The following DLG2 variants were observed in gnomAD, a reference collection of about 807,000 sequenced individuals.
DLG2 encodes the protein discs large MAGUK scaffold protein 2.
DLG2 carries 45 observed loss-of-function variants against 132.5 expected under a neutral mutation model. The observed-to-expected ratio is 0.34, with a 90% confidence interval of 0.27 to 0.44. The LOEUF (loss-of-function observed/expected upper bound fraction) is 0.44. DLG2 is among the 20% of genes least tolerant of loss of function. The pLI is 1.00. For missense variants in DLG2, 1,045 were observed against 1,196.9 expected (o/e 0.87, Z 1.87); for synonymous variants, 424 against 419.6 (o/e 1.01, Z -0.13).
intron 9 of DLG2, among the ~76,000 whole-genome samples, chr11:84,162,338 C>G (rs1003299801): frequency 6.6e-6 from 1 of 151,544 alleles, no homozygotes; most frequent in African/African-American, 2.4e-5. Flanking sequence ...TATTATATAG[C>G]TTTGTGTCTA....
chr11:84,742,303 C>T (rs566072372), intron 6 of DLG2, among the ~76,000 whole-genome samples: 1 of 152,152 alleles, frequency 6.6e-6, no homozygotes, highest in South Asian at 2.1e-4. Flanking sequence ...CTCAAAAAAT[C>T]CCAAATATAT....
At chr11:83,988,915 GT>G (rs2093529846) in intron 11 of DLG2, among the ~76,000 whole-genome samples, 2 of 151,214 alleles carry the variant, frequency 1.3e-5, no homozygotes, top group Admixed American at 1.3e-4. Flanking sequence ...TTGTTTATAT[GT>G]TTTTTATGTT....
At chr11:84,853,459 T>A (rs1227831264) in intron 6 of DLG2, among the ~76,000 whole-genome samples, 5 of 152,020 alleles carry the variant, frequency 3.3e-5, no homozygotes, top group Non-Finnish European at 7.4e-5. Context: ...TCAAACATTA[T>A]CCAAATACTT....
chr11:85,523,945 G>A (rs1429227792), intron 3 of DLG2, among the ~76,000 whole-genome samples: 4 of 152,154 alleles, frequency 2.6e-5, no homozygotes, highest in African/African-American at 7.2e-5. Flanking sequence ...TATGGATGGA[G>A]CTGGAGGTCA....
At chr11:84,594,523 A>T (rs902957868) in intron 6 of DLG2, among the ~76,000 whole-genome samples, 17 of 152,384 alleles carry the variant, frequency 1.1e-4, no homozygotes, top group South Asian at 8.3e-4. Flanking sequence ...GACAGAAGAA[A>T]GCATGAGAAA....
chr11:84,317,316 G>C, intron 7 of DLG2: 1 of 1,431,946 alleles, frequency 7.0e-7, no homozygotes, highest in Non-Finnish European at 9.1e-7. Flanking sequence ...AGCAGCGACA[G>C]CAGCTCCGCA....
At chr11:85,189,400 T>C (rs966725768) in intron 4 of DLG2, among the ~76,000 whole-genome samples, 10 of 152,224 alleles carry the variant, frequency 6.6e-5, no homozygotes, top group African/African-American at 2.2e-4. Context: ...TTCAATGGAA[T>C]GCTATTTGGC....
chr11:84,062,769 G>T (rs143835558), intron 10 of DLG2, among the ~76,000 whole-genome samples: 37 of 151,798 alleles, frequency 2.4e-4, no homozygotes, highest in African/African-American at 8.9e-4. Flanking sequence ...TTGTAGGGGA[G>T]GTGGGGTAGT....
chr11:84,254,718 A>C (rs1227084640), intron 7 of DLG2, among the ~76,000 whole-genome samples: 1 of 152,196 alleles, frequency 6.6e-6, no homozygotes. Context: ...TAGGATGTAG[A>C]GTCTGTGAAT....
chr11:83,589,639 A>C (rs1318999649), intron 19 of DLG2, among the ~76,000 whole-genome samples: 2 of 147,798 alleles, frequency 1.4e-5, no homozygotes, highest in African/African-American at 2.5e-5. Context: ...CACACATAAC[A>C]ATATTAACTT....
At chr11:83,864,062 T>C (rs1385720602) in intron 16 of DLG2, among the ~76,000 whole-genome samples, 1 of 152,210 alleles carries the variant, frequency 6.6e-6, no homozygotes, top group East Asian at 1.9e-4. Flanking sequence ...CATGTAGCTC[T>C]TACAGACCTG....
At chr11:83,637,109 A>G (rs2065055265) in intron 18 of DLG2, among the ~76,000 whole-genome samples, 1 of 152,230 alleles carries the variant, frequency 6.6e-6, no homozygotes, top group African/African-American at 2.4e-5. Context: ...AGAAGTAAAC[A>G]GGAAACCTGC....
intron 18 of DLG2, among the ~76,000 whole-genome samples, chr11:83,653,649 C>A (rs148788677): frequency 6.6e-6 from 1 of 152,276 alleles, no homozygotes; most frequent in African/African-American, 2.4e-5. Flanking sequence ...GAAATACATA[C>A]ATTTTGTCTG....
chr11:84,886,165 T>C (rs1183846000), intron 6 of DLG2, among the ~76,000 whole-genome samples: 1 of 152,140 alleles, frequency 6.6e-6, no homozygotes, highest in Non-Finnish European at 1.5e-5. Context: ...AATACTGAAA[T>C]ATAAGCTAGG....
At chr11:84,642,201 A>G (rs540915142) in intron 6 of DLG2, among the ~76,000 whole-genome samples, 1 of 151,090 alleles carries the variant, frequency 6.6e-6, no homozygotes, top group South Asian at 2.1e-4. Flanking sequence ...GAATTACCAA[A>G]CCTTACTCCT....
chr11:83,802,507 A>G (rs1594655427), intron 17 of DLG2, among the ~76,000 whole-genome samples: 1 of 152,278 alleles, frequency 6.6e-6, no homozygotes, highest in African/African-American at 2.4e-5. Context: ...TTTTGAAATC[A>G]GTGGACTAAC....
At chr11:85,013,860 AT>A (rs1485481781) in intron 6 of DLG2, among the ~76,000 whole-genome samples, 1 of 152,268 alleles carries the variant, frequency 6.6e-6, no homozygotes, top group East Asian at 1.9e-4. Context: ...CAAAATGGTT[AT>A]TTTTTTAAGG....
intron 6 of DLG2, among the ~76,000 whole-genome samples, chr11:84,792,693 A>G (rs528993413): frequency 6.6e-6 from 1 of 152,138 alleles, no homozygotes; most frequent in African/African-American, 2.4e-5. Context: ...CTCTAGATTT[A>G]CCAGTTTATT....
chr11:83,462,268 G>A (rs757561991), intron 26 of DLG2, 175 bp from the exon 27 acceptor site: 56 of 554,778 alleles, frequency 1.0e-4, no homozygotes, highest in Non-Finnish European at 1.3e-4. Flanking sequence ...AAGGACTCAC[G>A]GCCAGAAAGC....
Sources: allele counts gnomAD v4.1 joint callset (sites outside exome capture counted in the v4.1 genomes callset), GRCh38; gene constraint gnomAD v4.1.1; transcripts MANE v1.5; gene names NCBI Gene and HGNC (gene_info 2026-07-23, HGNC 2026-07-21).